Variants in CCDC149 observed in about 807,000 individuals in gnomAD.
CCDC149 encodes the protein coiled-coil domain-containing protein 149.
CCDC149 carries 45 observed loss-of-function variants against 59.9 expected under a neutral mutation model. That is an observed-to-expected ratio of 0.75 (90% CI 0.59 to 0.96). The LOEUF (loss-of-function observed/expected upper bound fraction) is 0.96. Among genes scored for constraint, CCDC149 ranks in the 40% least tolerant of loss-of-function variants. CCDC149 has a pLI of 0.00. For missense variants in CCDC149, 584 were observed against 664.7 expected, an observed-to-expected ratio of 0.88 and a Z score of 1.33; for synonymous variants, 245 against 260.6, an observed-to-expected ratio of 0.94 and a Z score of 0.58.
Position 24,816,060 on chromosome 4 carries a change from T to C in CCDC149, c.1192+3799A>G, listed in dbSNP as rs1434746096. ...CAGGATTTACCAACCCACTCTCCCATTTTTTTCAAATTTAAATTTAAATTT... is the reference window on the plus strand; with the variant it reads ...CAGGATTTACCAACCCACTCTCCCACTTTTTTCAAATTTAAATTTAAATTT... On this transcript the variant is annotated intron_variant, in intron 12 of 12. Transcript: ENST00000635206. Among the ~76,000 whole-genome samples the C allele has an allele frequency of 2.0e-5, 3 of 152,166 alleles. No homozygotes were observed. The South Asian group carries it at 6.2e-4, about 32-fold the overall frequency.
At chr4:24,903,955 T>C (rs1721327344) in intron 1 of CCDC149, among the ~76,000 whole-genome samples, 1 of 152,010 alleles carries the variant, frequency 6.6e-6, no homozygotes, top group Admixed American at 6.6e-5. Context: ...CGTGTGCCTC[T>C]ATGCCCAGCT....
chr4:24,844,258 C>A (rs1421606194), intron 4 of CCDC149, among the ~76,000 whole-genome samples: 11 of 152,140 alleles, frequency 7.2e-5, no homozygotes. Context: ...CCTCCACAAC[C>A]GTGTCTGGCT....
At chr4:24,952,623 AAAAATATATATATATATATATATATATAT>A (rs1723343792) in intron 1 of CCDC149, among the ~76,000 whole-genome samples, 1 of 16,792 alleles carries the variant, frequency 6.0e-5, no homozygotes, top group Non-Finnish European at 1.1e-4. Flanking sequence ...AAAAAAAAAA[AAAAATATATATATATATATATATATATAT>A]ATATATATAT....
chr4:24,939,659 CG>C (rs1225159959), intron 1 of CCDC149, among the ~76,000 whole-genome samples: 15 of 152,106 alleles, frequency 9.9e-5, no homozygotes, highest in Non-Finnish European at 1.5e-4. Flanking sequence ...AAAAAATAGA[CG>C]AATGGATAAC....
chr4:24,977,618 T>G (rs1301939714), intron 1 of CCDC149, among the ~76,000 whole-genome samples: 4 of 152,102 alleles, frequency 2.6e-5, no homozygotes, highest in African/African-American at 7.2e-5. Flanking sequence ...ACCTAAGGTG[T>G]GGTAGAAGGC....
chr4:24,839,592 C>T (rs1309768671), intron 4 of CCDC149, among the ~76,000 whole-genome samples: 1 of 152,076 alleles, frequency 6.6e-6, no homozygotes, highest in Non-Finnish European at 1.5e-5. Context: ...CATAATTTTC[C>T]AAAAGATCCC....
intron 1 of CCDC149, among the ~76,000 whole-genome samples, chr4:24,958,534 G>GTT (rs761725513): frequency 1.3e-5 from 2 of 152,270 alleles, no homozygotes; most frequent in Non-Finnish European, 2.9e-5. Context: ...AGATCTGACA[G>GTT]TTGACAAGGA....
Position 24,837,646 on chromosome 4 carries a change from C to T in CCDC149, c.490-246G>A, listed in dbSNP as rs1371611189. 2.0e-5 allele frequency among the ~76,000 whole-genome samples: 3 copies of T among 152,188 alleles called. No individual in the cohort carries two copies. Among genetic ancestry groups the T allele is most frequent in the African/African-American group, 7.2e-5 (3 of 41,454 alleles). ...AGCAGCTTAGAAAACCAGAACTGAA[C>T]CCTCGCCAACTTCAGGATGCCCTGC... On this transcript the variant is annotated intron_variant, in intron 5 of 12. Coordinates refer to ENST00000635206, the MANE Select transcript of CCDC149 (RefSeq NM_001330643.2). The surrounding 1 kb of genome is among the most constrained non-coding windows in gnomAD (Gnocchi z 4.3).
intron 1 of CCDC149, among the ~76,000 whole-genome samples, chr4:24,881,476 T>C (rs1719837664): frequency 6.6e-6 from 1 of 152,176 alleles, no homozygotes; most frequent in African/African-American, 2.4e-5. Context: ...TAACAGAGCT[T>C]GGAGGGGCAA....
In CCDC149 at chr4:24,903,024, C is replaced by CAAAAAAAAAA. The variant is rs10646050; in HGVS notation, c.63+9783_63+9792dup. Among the ~76,000 whole-genome samples the CAAAAAAAAAA allele has an allele frequency of 5.5e-4, 29 of 52,496 alleles. 1 individual carries two copies. Among genetic ancestry groups the CAAAAAAAAAA allele is most frequent in the Middle Eastern group, 0.017 (1 of 58 alleles). The allele number at this position is 52,496 out of a possible 152,430, so 34.4% of individuals were successfully genotyped here. ...TGGGCAACAGAGTGAGAGTCTAACT[C>CAAAAAAAAAA]AAAAAAAAAAAAAAAAAAAAAAAGA... On this transcript the variant is annotated intron_variant, in intron 1 of 12. Transcript: ENST00000635206.
intron 3 of CCDC149, among the ~76,000 whole-genome samples, chr4:24,856,316 C>T (rs1001069949): frequency 6.6e-6 from 1 of 152,228 alleles, no homozygotes; most frequent in East Asian, 1.9e-4. Context: ...AGACAAAACC[C>T]TTGCCCTTAG....
chr4:24,839,728 C>T (rs1716819626), intron 4 of CCDC149, among the ~76,000 whole-genome samples: 1 of 152,130 alleles, frequency 6.6e-6, no homozygotes, highest in Admixed American at 6.5e-5. Context: ...TCAGAGCATC[C>T]CCTATCTGCC....
intron 4 of CCDC149, among the ~76,000 whole-genome samples, chr4:24,844,650 G>A (rs1463230090): frequency 6.6e-6 from 1 of 152,156 alleles, no homozygotes; most frequent in Non-Finnish European, 1.5e-5. Context: ...GTGCACACCT[G>A]TAGTCCCAGC....
At chr4:24,874,240 A>ATTTTTTTTTTTTTTTTTTT (rs1560230340) in intron 2 of CCDC149, among the ~76,000 whole-genome samples, 1 of 85,688 alleles carries the variant, frequency 1.2e-5, no homozygotes, top group African/African-American at 5.8e-5. Flanking sequence ...GTCCTATTAG[A>ATTTTTTTTTTTTTTTTTTT]TTTGTTTTTT....
intron 4 of CCDC149, among the ~76,000 whole-genome samples, chr4:24,849,311 G>T (rs1437552200): frequency 6.6e-6 from 1 of 152,154 alleles, no homozygotes; most frequent in Non-Finnish European, 1.5e-5. Flanking sequence ...TTCCCAGAGG[G>T]CTCCTCTAAC....
chr4:24,926,797 G>C (rs535297466), intron 1 of CCDC149, among the ~76,000 whole-genome samples: 3 of 152,300 alleles, frequency 2.0e-5, no homozygotes, highest in Non-Finnish European at 2.9e-5. Context: ...ACTGTGGATC[G>C]TCTGAAGGTT....
chr4:24,827,533 G>C (rs1715841935), intron 9 of CCDC149: 1 of 152,278 alleles, frequency 6.6e-6, no homozygotes, highest in South Asian at 2.1e-4. Flanking sequence ...TCTGGAGAAC[G>C]AAATGTGGTG....
upstream of CCDC149, among the ~76,000 whole-genome samples, chr4:24,913,807 G>A (rs1478602227): frequency 6.6e-6 from 1 of 152,150 alleles, no homozygotes; most frequent in Non-Finnish European, 1.5e-5. Context: ...TTAGCAAAAG[G>A]GGAAGGCATT....
At chr4:24,900,365 C>T (rs1721096540) in intron 1 of CCDC149, among the ~76,000 whole-genome samples, 1 of 152,206 alleles carries the variant, frequency 6.6e-6, no homozygotes, top group Non-Finnish European at 1.5e-5. Context: ...CTGACCCCCA[C>T]CTTTGTGCCT....
Sources: allele counts gnomAD v4.1 joint callset (sites outside exome capture counted in the v4.1 genomes callset), GRCh38; gene constraint gnomAD v4.1.1; non-coding constraint Gnocchi (gnomAD v3.1); transcripts MANE v1.5; gene names NCBI Gene and HGNC (gene_info 2026-07-23, HGNC 2026-07-21).